KCTD2: variants seen among roughly 807,000 people sequenced by gnomAD.
KCTD2 encodes potassium channel tetramerization domain containing 2, also known as BTB/POZ domain-containing protein KCTD2.
KCTD2 carries 18 observed loss-of-function variants against 27.9 expected under a neutral mutation model. The ratio of observed to expected loss-of-function variants is 0.64; its 90% CI spans 0.45 to 0.96. The LOEUF is 0.96. KCTD2 is among the 40% of genes least tolerant of loss of function. The probability of loss-of-function intolerance (pLI) is 0.00; values close to 1 mark genes in which losing one functional copy is unlikely to be tolerated. For missense variants in KCTD2, 280 were observed against 348.0 expected, an observed-to-expected ratio of 0.80 and a Z score of 1.56; for synonymous variants, 175 against 148.4, an observed-to-expected ratio of 1.18 and a Z score of -1.30.
chr17:75,064,663 T>C lies in KCTD2; in HGVS notation c.*1616T>C, dbSNP rs1342477830. On this transcript the variant is annotated 3_prime_UTR_variant, in exon 6 of 6. Coordinates refer to ENST00000322444, the MANE Select transcript of KCTD2 (RefSeq NM_015353.3). ...AGGGGTTTCTGCTGACACATCAACG[T>C]CTACACACCTATGCGCCACATTTTA... 1 of 152,104 alleles carries C rather than the reference T, an allele frequency of 6.6e-6. No homozygotes were observed. The highest frequency in any genetic ancestry group is 2.4e-5 in the African/African-American group (1 of 41,414). 9.4% of individuals were successfully genotyped at this position (152,104 alleles called of 1,614,324 possible).
At chr17:75,035,987 G>A in intron 3 of KCTD2, 1 of 447,622 alleles carries the variant, frequency 2.2e-6, no homozygotes, top group Non-Finnish European at 4.5e-6. Context: ...TGGAGGAAGA[G>A]GGTGTCAGGA....
chr17:75,053,665 A>T (rs376529473), intron 3 of KCTD2, among the ~76,000 whole-genome samples: 3 of 151,278 alleles, frequency 2.0e-5, no homozygotes, highest in South Asian at 4.2e-4. Flanking sequence ...CTGGTCTCGA[A>T]CTCCCGACCT....
Position 75,039,249 on chromosome 17 carries a change from A to G in KCTD2, c.-259+3892A>G, listed in dbSNP as rs775257261. ...TACAATCCTGGCCTTTGAGAGAGACACCCACTCAGCACAAGATTTCACCTT... is the reference window on the plus strand; with the variant it reads ...TACAATCCTGGCCTTTGAGAGAGACGCCCACTCAGCACAAGATTTCACCTT... On this transcript the variant is annotated intron_variant, in intron 3 of 7. Transcript: ENST00000581589. 7 of 1,614,060 alleles carry G rather than the reference A, an allele frequency of 4.3e-6. No homozygotes were observed. Among genetic ancestry groups the G allele is most frequent in the African/African-American group, 4.0e-5 (3 of 74,916 alleles).
At chr17:75,037,570 G>C (rs910483436) in intron 3 of KCTD2, among the ~76,000 whole-genome samples, 2 of 151,988 alleles carry the variant, frequency 1.3e-5, no homozygotes, top group African/African-American at 4.8e-5. Context: ...TCAGCAATTG[G>C]GTTGTAGGCA....
At chr17:75,037,422 G>C (rs1322502192) in intron 3 of KCTD2, among the ~76,000 whole-genome samples, 1 of 151,362 alleles carries the variant, frequency 6.6e-6, no homozygotes, top group East Asian at 1.9e-4. Flanking sequence ...TTTTCCTACA[G>C]GATTTAAGCC....
At position 75,063,320 on chromosome 17, in the gene KCTD2, G is replaced by A; in HGVS notation, c.*273G>A. 4.2e-6 allele frequency: 2 copies of A among 478,610 alleles called. No individual in the cohort carries two copies. The highest frequency in any genetic ancestry group is 7.6e-6 in the Non-Finnish European group (2 of 264,032). 29.6% of individuals were successfully genotyped at this position (478,610 alleles called of 1,614,324 possible). ...GAACAGATCTTTACAACAGCAGCTG[G>A]GCTGGGTTCCCAGTCGGAGCCTTTC... On this transcript the variant is annotated 3_prime_UTR_variant, in exon 6 of 6. Coordinates refer to ENST00000322444, the MANE Select transcript of KCTD2 (RefSeq NM_015353.3).
intron 2 of KCTD2, among the ~76,000 whole-genome samples, chr17:75,034,408 C>T (rs765903080): frequency 3.9e-5 from 6 of 152,172 alleles, no homozygotes; most frequent in South Asian, 2.1e-4. Context: ...CAAAAGAAAC[C>T]TTGCGAGCAC....
intron 3 of KCTD2, among the ~76,000 whole-genome samples, chr17:75,036,224 A>C (rs12949451): frequency 0.16 from 24,222 of 151,712 alleles, 3,587 homozygotes; most frequent in African/African-American, 0.4. Flanking sequence ...CGGCCAGGGA[A>C]TGGAGTTTTG....
chr17:75,042,722 T>G (rs1434747006), upstream of KCTD2: 16 of 1,483,970 alleles, frequency 1.1e-5, no homozygotes, highest in Non-Finnish European at 1.5e-5. Flanking sequence ...TTGGGAAAAA[T>G]GATAAATAAC....
rs557486463 is a variant in KCTD2 at position 75,039,145 on chromosome 17, G to A, written c.-259+3788G>A. 2.5e-6 allele frequency: 4 copies of A among 1,611,566 alleles called. No homozygotes were observed. In the Admixed American group the frequency reaches 5.0e-5, roughly 20 times the overall value. ...CCAAGGCAGGTTCCTGCCACCAGGT[G>A]AAAGATGTGTGGTCATGAAAGAGAG... is the stretch of plus-strand genomic sequence containing the variant. On this transcript the variant is annotated intron_variant, in intron 3 of 7. Transcript: ENST00000581589.
intron 4 of KCTD2, among the ~76,000 whole-genome samples, chr17:75,061,837 C>T (rs2073406458): frequency 6.6e-6 from 1 of 151,710 alleles, no homozygotes; most frequent in Non-Finnish European, 1.5e-5. Context: ...CTCGACGGGG[C>T]GTGGGCATGT....
intron 2 of KCTD2, 73 bp from the exon 3 acceptor site, chr17:75,052,941 C>A (rs756329376): frequency 3.8e-6 from 4 of 1,053,434 alleles, no homozygotes; most frequent in African/African-American, 3.1e-5. Context: ...AAGCATGTAA[C>A]CTTCATCCTC....
chr17:75,038,900 AC>A, intron 3 of KCTD2: 1 of 1,600,104 alleles, frequency 6.2e-7, no homozygotes, highest in East Asian at 2.2e-5. Flanking sequence ...AATGTGTAAT[AC>A]AAGGGCCAGA....
At chr17:75,034,937 T>A (rs193016229) in intron 2 of KCTD2, among the ~76,000 whole-genome samples, 5 of 152,070 alleles carry the variant, frequency 3.3e-5, no homozygotes, top group Admixed American at 2.6e-4. Context: ...CCAGGGAGGC[T>A]CAGAGACTAG....
upstream of KCTD2, among the ~76,000 whole-genome samples, chr17:75,042,856 G>A (rs1226944712): frequency 6.6e-6 from 1 of 152,122 alleles, no homozygotes; most frequent in Non-Finnish European, 1.5e-5. Flanking sequence ...ACTCCAGCCT[G>A]GGAGACACAG....
At chr17:75,061,770 G>T (rs2073405763) in intron 4 of KCTD2, among the ~76,000 whole-genome samples, 1 of 152,182 alleles carries the variant, frequency 6.6e-6, no homozygotes, top group Non-Finnish European at 1.5e-5. Context: ...AGCTGTGTGT[G>T]TGACTGAGGC....
intron 4 of KCTD2, chr17:75,060,417 C>A: frequency 2.5e-6 from 4 of 1,589,458 alleles, no homozygotes; most frequent in Non-Finnish European, 3.4e-6. Context: ...TGGTTCACTT[C>A]AATTTCAAAA....
rs1293946522 is a variant in KCTD2 at position 75,032,988 on chromosome 17, C to G, written c.-470+264C>G. ...TTGGAGAGAAACAGAAAAGAATGTC[C>G]CCAAGTCTCCTTTGCCCTGCGATGC... On this transcript the variant is annotated intron_variant, in intron 1 of 7. Coordinates refer to the KCTD2 transcript ENST00000581589. This position sits in a 1 kb window ranked among gnomAD's most constrained non-coding sequence, Gnocchi z 4.8. The G allele has an allele frequency of 6.6e-6, 1 of 152,202 alleles. No individual in the cohort carries two copies. The highest frequency in any genetic ancestry group is 1.5e-5 in the Non-Finnish European group (1 of 68,040). 9.4% of individuals were successfully genotyped at this position (152,202 alleles called of 1,614,324 possible).
chr17:75,060,908 T>C (rs1308406158), intron 4 of KCTD2, among the ~76,000 whole-genome samples: 1 of 152,222 alleles, frequency 6.6e-6, no homozygotes, highest in Non-Finnish European at 1.5e-5. Flanking sequence ...GCGGTGATTA[T>C]TTCTCACACT....
Sources: gnomAD v4.1 joint callset for allele counts (sites outside exome capture counted in the v4.1 genomes callset) on GRCh38, gnomAD v4.1.1 for gene constraint, Gnocchi (gnomAD v3.1) non-coding constraint, MANE v1.5 for transcripts, NCBI Gene and HGNC (gene_info 2026-07-23, HGNC 2026-07-21) for gene names.